Variants in DPYSL2 observed in about 807,000 individuals in gnomAD.
DPYSL2 encodes dihydropyrimidinase-related protein 2.
A neutral mutation model predicts 69.9 loss-of-function variants in DPYSL2; 13 were observed. That is an observed-to-expected ratio of 0.19 (90% CI 0.12 to 0.30). The LOEUF (loss-of-function observed/expected upper bound fraction) is 0.30, where lower values mean the gene tolerates loss of function less well. Among genes scored for constraint, DPYSL2 ranks in the 10% least tolerant of loss-of-function variants. The pLI is 1.00. For missense variants in DPYSL2, 587 were observed against 918.9 expected (o/e 0.64, Z 4.67); for synonymous variants, 326 against 359.1 (o/e 0.91, Z 1.04).
chr8:26,602,969 G>T (rs552298280), intron 3 of DPYSL2, among the ~76,000 whole-genome samples: 1 of 152,304 alleles, frequency 6.6e-6, no homozygotes, highest in South Asian at 2.1e-4. Context: ...TTTCACCCAT[G>T]GGGTGGGCAG....
At chr8:26,522,162 G>T (rs1450577527) in intron 1 of DPYSL2, among the ~76,000 whole-genome samples, 2 of 152,110 alleles carry the variant, frequency 1.3e-5, no homozygotes, top group East Asian at 3.9e-4. Flanking sequence ...ACAAAAATTA[G>T]CCGGGCACGG....
chr8:26,538,915 C>CA (rs575906178), intron 1 of DPYSL2, among the ~76,000 whole-genome samples: 181 of 152,328 alleles, frequency 1.2e-3, no homozygotes, highest in Middle Eastern at 3.4e-3. Context: ...CTCATCACAT[C>CA]AACAGCCCTC....
In DPYSL2 at chr8:26,647,868, G is replaced by A; in HGVS notation, c.1596+68G>A. On this transcript the variant is annotated intron_variant, in intron 11 of 13. Coordinates refer to ENST00000521913, the MANE Select transcript of DPYSL2 (RefSeq NM_001197293.3). This position sits in a 1 kb window ranked among gnomAD's most constrained non-coding sequence, Gnocchi z 5.1. ...AGTCACAGAGACACAGACGGAGGGA[G>A]AGCCCCAGGGTTTCTAAAAAGAACT... The A allele has an allele frequency of 1.3e-6, 2 of 1,497,266 alleles. No homozygotes were observed. Among genetic ancestry groups the A allele is most frequent in the Non-Finnish European group, 1.8e-6 (2 of 1,121,858 alleles). The allele number at this position is 1,497,266 out of a possible 1,614,324, so 92.7% of individuals were successfully genotyped here. A position where few individuals can be genotyped will look rare whatever the true frequency, so the allele number is the denominator to read the frequency against.
intron 1 of DPYSL2, among the ~76,000 whole-genome samples, chr8:26,561,519 C>T (rs540019400): frequency 1.6e-4 from 24 of 152,060 alleles, no homozygotes; most frequent in African/African-American, 4.3e-4. Context: ...ATCCCCCTAA[C>T]CGAGTGGAAA....
At chr8:26,547,968 G>A (rs1218728049) in intron 1 of DPYSL2, 1 of 248,596 alleles carries the variant, frequency 4.0e-6, no homozygotes, top group South Asian at 6.1e-5. Context: ...GGAGAAAGAA[G>A]TCTCCCTGGC....
In DPYSL2 at chr8:26,655,791, T is replaced by A. The variant is rs1803373534; in HGVS notation, c.*85T>A. On this transcript the variant is annotated 3_prime_UTR_variant, in exon 14 of 14. Transcript: ENST00000521913. ...GACTTCTTTCTTCCTTCCTTTTTTT[T>A]TTTTTGTTTTTTTTTTTAAGAGCCT... The A allele has an allele frequency of 7.9e-7, 1 of 1,263,446 alleles. No individual in the cohort carries two copies. Among genetic ancestry groups the A allele is most frequent in the South Asian group, 1.7e-5 (1 of 57,242 alleles). 78.3% of individuals were successfully genotyped at this position (1,263,446 alleles called of 1,614,324 possible).
chr8:26,596,520 A>C (rs1273448520), intron 3 of DPYSL2, among the ~76,000 whole-genome samples: 1 of 152,154 alleles, frequency 6.6e-6, no homozygotes, highest in East Asian at 1.9e-4. Flanking sequence ...CATGGGTAGG[A>C]GTTGTGTGAT....
rs759149812 is a variant in DPYSL2 at position 26,585,660 on chromosome 8, C to G, written c.628+1677C>G. Among the ~76,000 whole-genome samples the G allele has an allele frequency of 6.6e-6, 1 of 152,128 alleles. No individual in the cohort carries two copies. The highest frequency in any genetic ancestry group is 2.4e-5 in the African/African-American group (1 of 41,418). ...GGGCGTTTCTGCCTCTCCTCCAGGG[C>G]GGACTGTGGAGAAACACTTGAACTT... On this transcript the variant is annotated intron_variant, in intron 3 of 13. Coordinates refer to ENST00000521913, the MANE Select transcript of DPYSL2 (RefSeq NM_001197293.3). This position sits in a 1 kb window ranked among gnomAD's most constrained non-coding sequence, Gnocchi z 4.0.
At chr8:26,575,258 G>A (rs1801308661) in intron 1 of DPYSL2, among the ~76,000 whole-genome samples, 1 of 152,132 alleles carries the variant, frequency 6.6e-6, no homozygotes, top group African/African-American at 2.4e-5. Flanking sequence ...CCAAAGTGCG[G>A]GATTACAGGT....
chr8:26,557,623 C>CAAAAAA (rs56215906), intron 1 of DPYSL2, among the ~76,000 whole-genome samples: 10,716 of 74,180 alleles, frequency 0.14, 1,521 homozygotes, highest in African/African-American at 0.25. Context: ...ACTAAAAATA[C>CAAAAAA]AAAAAAAAAA....
chr8:26,524,001 C>T (rs73558546), intron 1 of DPYSL2, among the ~76,000 whole-genome samples: 2,907 of 152,290 alleles, frequency 0.019, 80 homozygotes, highest in African/African-American at 0.064. Context: ...AAATATCTAT[C>T]TGAGACCTTG....
chr8:26,655,194 A>C (rs947219628), intron 13 of DPYSL2, among the ~76,000 whole-genome samples: 2 of 152,056 alleles, frequency 1.3e-5, no homozygotes, highest in Non-Finnish European at 2.9e-5. Flanking sequence ...TGAGGTTTTA[A>C]GAGAAGAACA....
chr8:26,578,004 TC>T, intron 1 of DPYSL2: 3 of 1,370,464 alleles, frequency 2.2e-6, no homozygotes, highest in Non-Finnish European at 1.9e-6. Context: ...TCTCTCTCTC[TC>T]TCTCTCTCTC....
At chr8:26,635,402 T>A (rs1279680410) in intron 8 of DPYSL2, among the ~76,000 whole-genome samples, 2 of 152,184 alleles carry the variant, frequency 1.3e-5, no homozygotes, top group East Asian at 3.9e-4. Flanking sequence ...CATTCTGAAC[T>A]GGGGCTGGGT....
chr8:26,566,536 C>T (rs73678811), intron 1 of DPYSL2, among the ~76,000 whole-genome samples: 4,290 of 152,116 alleles, frequency 0.028, 207 homozygotes, highest in African/African-American at 0.096. Flanking sequence ...AGCGGTGGGG[C>T]TCATAGGACT....
chr8:26,602,335 G>C (rs763703809), intron 3 of DPYSL2, among the ~76,000 whole-genome samples: 1 of 151,334 alleles, frequency 6.6e-6, no homozygotes, highest in East Asian at 1.9e-4. Context: ...GATCTCTCTC[G>C]TCCTCCTAAA....
chr8:26,537,441 G>A (rs1800610339), intron 1 of DPYSL2, among the ~76,000 whole-genome samples: 1 of 152,010 alleles, frequency 6.6e-6, no homozygotes, highest in African/African-American at 2.4e-5. Context: ...ATCCAATATT[G>A]TGTAGAAAAA....
intron 2 of DPYSL2, among the ~76,000 whole-genome samples, chr8:26,583,386 T>C (rs429787): frequency 0.4 from 59,990 of 151,108 alleles, 13,186 homozygotes; most frequent in African/African-American, 0.6. Context: ...CCTATTTTCC[T>C]TCTGGTGAAA....
intron 1 of DPYSL2, among the ~76,000 whole-genome samples, chr8:26,554,250 T>C (rs372291812): frequency 3.9e-5 from 6 of 152,322 alleles, no homozygotes; most frequent in South Asian, 4.1e-4. Flanking sequence ...ATTGTGGTTT[T>C]AATTTGCATT....
Sources: gnomAD v4.1 joint callset for allele counts (sites outside exome capture counted in the v4.1 genomes callset) on GRCh38, gnomAD v4.1.1 for gene constraint, Gnocchi (gnomAD v3.1) non-coding constraint, MANE v1.5 for transcripts, NCBI Gene and HGNC (gene_info 2026-07-23, HGNC 2026-07-21) for gene names.